Variants in DMD observed in about 807,000 individuals in gnomAD.
The protein encoded by DMD is mutant dystrophin.
A neutral mutation model predicts 330.1 loss-of-function variants in DMD; 63 were observed. The observed-to-expected ratio is 0.19, with a 90% CI of 0.16 to 0.24. DMD has a LOEUF of 0.24. Ranked by LOEUF, DMD falls within the 10% of genes least tolerant of loss-of-function variation. The pLI is 1.00. For missense variants in DMD, 3,344 were observed against 2,684.1 expected (o/e 1.25, Z -5.43); for synonymous variants, 1,223 against 959.8 (o/e 1.27, Z -5.07).
chrX:31,733,816 C>G (rs753071789), intron 51 of DMD, among the ~76,000 whole-genome samples: 16 of 111,163 alleles, frequency 1.4e-4, no homozygotes, highest in Non-Finnish European at 2.6e-4. Context: ...CGAAAACCAT[C>G]CTCATTGTCT....
chrX:31,161,790 C>CCG (rs1485216780), intron 74 of DMD, among the ~76,000 whole-genome samples: 2 of 111,430 alleles, frequency 1.8e-5, no homozygotes, highest in African/African-American at 6.5e-5. Flanking sequence ...TCCTCCCCCC[C>CCG]GTCAAAAAGC....
At chrX:32,383,977 C>T (rs2097941796) in intron 33 of DMD, among the ~76,000 whole-genome samples, 1 of 109,747 alleles carries the variant, frequency 9.1e-6, no homozygotes, top group South Asian at 3.8e-4. Context: ...TGAGAAACTC[C>T]CCTTTACCAA....
chrX:32,012,365 C>T (rs997921854), intron 44 of DMD, among the ~76,000 whole-genome samples: 1 of 111,936 alleles, frequency 8.9e-6, no homozygotes, highest in African/African-American at 3.3e-5. Context: ...CAGTAGAAAT[C>T]TCATCAGTAA....
rs765023077 is a variant in DMD, at chrX:32,449,924, T to C, written c.3604-1286A>G. ...AGAGACATCCATATGGGCATACTTA[T>C]TAATCCCAGCAAACACTGTTAATGA... On this transcript the variant is annotated intron_variant, in intron 26 of 78. Transcript: ENST00000357033. 3.6e-5 allele frequency among the ~76,000 whole-genome samples: 4 copies of C among 111,199 alleles called. No individual in the cohort carries two copies. In the South Asian group the frequency reaches 1.5e-3, roughly 41 times the overall value.
At chrX:32,958,831 A>G (rs1306928052) in intron 2 of DMD, among the ~76,000 whole-genome samples, 1 of 110,897 alleles carries the variant, frequency 9.0e-6, no homozygotes, top group Non-Finnish European at 1.9e-5. Context: ...TGTAACCAGA[A>G]CTTACATTAT....
At chrX:31,810,205 A>C (rs1385804177) in intron 50 of DMD, among the ~76,000 whole-genome samples, 1 of 111,462 alleles carries the variant, frequency 9.0e-6, no homozygotes, top group Non-Finnish European at 1.9e-5. Context: ...TAATTATGGA[A>C]CAGCATCCAA....
Position 32,192,169 on chromosome X carries a change from T to C in DMD, c.6438+24747A>G, listed in dbSNP as rs558920964. Among the ~76,000 whole-genome samples the C allele has an allele frequency of 1.7e-4, 19 of 111,902 alleles. No homozygotes were observed. The South Asian group carries it at 3.0e-3, about 18-fold the overall frequency. On this transcript the variant is annotated intron_variant, in intron 44 of 78. Coordinates refer to ENST00000357033, the MANE Select transcript of DMD (RefSeq NM_004006.3). Reference sequence around the variant, plus strand: ...GGGTCTGGGCCTCAAGAAGAATCCCTGGTTCCTTCACTCTATGAGGGAGGT... The same window carrying C: ...GGGTCTGGGCCTCAAGAAGAATCCCCGGTTCCTTCACTCTATGAGGGAGGT...
At chrX:31,831,452 T>C (rs1363759313) in intron 49 of DMD, among the ~76,000 whole-genome samples, 2 of 112,306 alleles carry the variant, frequency 1.8e-5, no homozygotes, top group Non-Finnish European at 3.8e-5. Flanking sequence ...TAAATGTTTA[T>C]GTTTACAAGT....
chrX:32,117,964 G>T (rs2096618138), intron 44 of DMD, among the ~76,000 whole-genome samples: 1 of 110,646 alleles, frequency 9.0e-6, no homozygotes, highest in Non-Finnish European at 1.9e-5. Flanking sequence ...GACTATAAAG[G>T]CATTGTGTTT....
intron 2 of DMD, among the ~76,000 whole-genome samples, chrX:32,886,171 C>T (rs370237015): frequency 5.4e-5 from 6 of 110,835 alleles, no homozygotes; most frequent in African/African-American, 1.6e-4. Context: ...ATTTTAAAAA[C>T]ATGCTAAGAA....
intron 4 of DMD, among the ~76,000 whole-genome samples, chrX:32,841,886 G>T (rs925735945): frequency 2.7e-5 from 3 of 111,743 alleles, no homozygotes; most frequent in Non-Finnish European, 5.6e-5. Context: ...ATTGAAGTGA[G>T]TAAAAAGGTA....
chrX:32,980,894 T>C (rs1056068226), intron 2 of DMD, among the ~76,000 whole-genome samples: 1 of 111,747 alleles, frequency 8.9e-6, no homozygotes, highest in African/African-American at 3.2e-5. Context: ...TGTTTGCTAA[T>C]AATTTGCCTA....
intron 62 of DMD, among the ~76,000 whole-genome samples, chrX:31,303,741 C>CTCT (rs763898885): frequency 8.9e-6 from 1 of 111,779 alleles, no homozygotes; most frequent in Admixed American, 9.6e-5. Context: ...TCACCTCCTC[C>CTCT]AGCCCTAGTC....
chrX:31,375,934 C>A (rs1281204931), intron 60 of DMD, among the ~76,000 whole-genome samples: 1 of 112,091 alleles, frequency 8.9e-6, no homozygotes, highest in Non-Finnish European at 1.9e-5. Flanking sequence ...ATTTTACCCA[C>A]AAGCAGGTAC....
intron 1 of DMD, among the ~76,000 whole-genome samples, chrX:33,127,726 T>C (rs1342295319): frequency 8.1e-5 from 9 of 111,339 alleles, no homozygotes; most frequent in African/African-American, 2.9e-4. Context: ...ATTAGTTTTC[T>C]AATGAGTTTA....
intron 60 of DMD, among the ~76,000 whole-genome samples, chrX:31,443,638 C>G (rs2065090777): frequency 9.1e-6 from 1 of 110,196 alleles, no homozygotes; most frequent in Admixed American, 9.7e-5. Flanking sequence ...GAGCAGCACA[C>G]TTACATTGCC....
At chrX:32,863,654 G>T (rs866062756) in intron 2 of DMD, among the ~76,000 whole-genome samples, 1 of 109,793 alleles carries the variant, frequency 9.1e-6, no homozygotes, top group Non-Finnish European at 1.9e-5. Context: ...GGAAATTGCA[G>T]AGAAGAAAAG....
At chrX:31,712,577 G>C (rs1297643936) in intron 52 of DMD, among the ~76,000 whole-genome samples, 2 of 93,318 alleles carry the variant, frequency 2.1e-5, no homozygotes, top group African/African-American at 4.1e-5. Context: ...TTTTCGTTCA[G>C]TGATGACTGT....
intron 62 of DMD, among the ~76,000 whole-genome samples, chrX:31,320,696 T>G (rs760978855): frequency 8.9e-6 from 1 of 112,428 alleles, no homozygotes; most frequent in African/African-American, 3.2e-5. Context: ...ATTAATCATC[T>G]GCTTACTGAC....
Sources: gnomAD v4.1 joint callset for allele counts (sites outside exome capture counted in the v4.1 genomes callset) on GRCh38, gnomAD v4.1.1 for gene constraint, MANE v1.5 for transcripts, NCBI Gene and HGNC (gene_info 2026-07-23, HGNC 2026-07-21) for gene names.